The following EPS8L2 variants were observed in gnomAD, a reference collection of about 807,000 sequenced individuals.
The protein encoded by EPS8L2 is epidermal growth factor receptor kinase substrate 8-like protein 2.
Under a neutral mutation model 99.4 loss-of-function variants are expected in EPS8L2, and 81 were observed. The observed-to-expected ratio is 0.82, with a 90% confidence interval of 0.68 to 0.98. The LOEUF is 0.98. Among genes scored for constraint, EPS8L2 ranks in the 50% least tolerant of loss-of-function variants. The pLI, the probability that EPS8L2 is intolerant of heterozygous loss-of-function variation, is 0.00. For synonymous variants in EPS8L2, 509 were observed against 407.3 expected, an observed-to-expected ratio of 1.25 and a Z score of -3.01; for missense variants, 1,155 against 968.8, an observed-to-expected ratio of 1.19 and a Z score of -2.55.
chr11:714,422 G>T (rs1416458282), intron 4 of EPS8L2, among the ~76,000 whole-genome samples: 1 of 151,340 alleles, frequency 6.6e-6, no homozygotes, highest in South Asian at 2.1e-4. Flanking sequence ...TCAGAGATGG[G>T]GTTTCACCAT....
At position 724,873 on chromosome 11, in the gene EPS8L2, G is replaced by C; in HGVS notation, c.1560+44G>C. 1 of 1,452,642 alleles carries C rather than the reference G, an allele frequency of 6.9e-7. No individual in the cohort carries two copies. Among genetic ancestry groups the C allele is most frequent in the Non-Finnish European group, 9.6e-7 (1 of 1,036,884 alleles). The allele number at this position is 1,452,642 out of a possible 1,614,324, so 90.0% of individuals were successfully genotyped here. A position where few individuals can be genotyped will look rare whatever the true frequency, so the allele number is the denominator to read the frequency against. On this transcript the variant is annotated intron_variant, in intron 16 of 20. Transcript: ENST00000318562. This position sits in a 1 kb window ranked among gnomAD's most constrained non-coding sequence, Gnocchi z 5.5. ...GGGTCCAAGAGGGGGAAACAGGGCA[G>C]GGCTTCAAGGGAGGGGCTACCAGGG...
chr11:723,611 C>G (rs2133534993), intron 15 of EPS8L2, among the ~76,000 whole-genome samples: 1 of 152,270 alleles, frequency 6.6e-6, no homozygotes, highest in African/African-American at 2.4e-5. Flanking sequence ...GTTTTAGAAC[C>G]AAGGTTAGAA....
Position 722,869 on chromosome 11 carries a change from C to T in EPS8L2, c.1341+64C>T, listed in dbSNP as rs1211147837. On this transcript the variant is annotated intron_variant, in intron 14 of 20. Coordinates refer to ENST00000318562, the MANE Select transcript of EPS8L2 (RefSeq NM_022772.4). ...AACACCCACTCCTCACCAGAGCTCC[C>T]CCCCAGCCCTGACACCCACCCCTCC... 71 of 1,141,850 alleles carry T rather than the reference C, an allele frequency of 6.2e-5. 1 individual carries two copies. The highest frequency in any genetic ancestry group is 4.3e-4 in the South Asian group (28 of 65,284). The allele number at this position is 1,141,850 out of a possible 1,614,324, so 70.7% of individuals were successfully genotyped here.
At chr11:725,880 C>CT (rs1200501436) in intron 17 of EPS8L2, 33 bp downstream of exon 17, 2 of 1,368,420 alleles carry the variant, frequency 1.5e-6, no homozygotes, top group African/African-American at 3.0e-5. Context: ...GGTCGCAGCC[C>CT]CCAGCTTCCT....
At chr11:722,598 C>T (rs1862210497) in intron 13 of EPS8L2, 49 bp downstream of exon 13, 2 of 1,610,334 alleles carry the variant, frequency 1.2e-6, no homozygotes, top group Admixed American at 1.7e-5. Context: ...GCCAGCGCTG[C>T]ATGGGGGCCA....
intron 1 of EPS8L2, 22 bp from the exon 2 acceptor site, chr11:709,308 C>T (rs937793449): frequency 6.5e-6 from 9 of 1,377,892 alleles, no homozygotes; most frequent in Non-Finnish European, 8.0e-6. Context: ...GAAGTGTCAG[C>T]GCAGCCCTTC....
chr11:715,721 C>T (rs1303164228), intron 4 of EPS8L2, among the ~76,000 whole-genome samples: 14 of 143,848 alleles, frequency 9.7e-5, no homozygotes, highest in Admixed American at 1.4e-4. Context: ...CCTGGGTTCA[C>T]GCCATTCTCC....
intron 4 of EPS8L2, among the ~76,000 whole-genome samples, chr11:719,259 GC>G (rs1336804545): frequency 6.6e-6 from 1 of 152,228 alleles, no homozygotes; most frequent in Non-Finnish European, 1.5e-5. Flanking sequence ...GAGCCACCGC[GC>G]CCGGCCACAC....
Position 720,732 on chromosome 11 carries a change from T to G in EPS8L2, c.463T>G (p.Cys155Gly). ...CAAGCCGGATGTCCACTTCTTCCAC[T>G]GCGATGAGGTGGAGGTGAGGCGGTG... ...QSKPDVHFFH[C>G]DEVEAELVHE... is the part of the protein sequence containing the mutation. The change falls in exon 6 of 21, where the codon TGC (cysteine) becomes GGC (glycine). Residue 155 changes from cysteine to glycine, a missense_variant. By Grantham distance (159) the Cys-to-Gly change is radical. Coordinates refer to ENST00000318562, the MANE Select transcript of EPS8L2 (RefSeq NM_022772.4). 1 of 1,515,260 alleles carries G rather than the reference T, an allele frequency of 6.6e-7. No individual in the cohort carries two copies. Among genetic ancestry groups the G allele is most frequent in the Non-Finnish European group, 8.9e-7 (1 of 1,126,076 alleles). The allele number at this position is 1,515,260 out of a possible 1,614,324, so 93.9% of individuals were successfully genotyped here.
chr11:709,759 C>T (rs913237202), intron 3 of EPS8L2, 151 bp downstream of exon 3: 2 of 803,832 alleles, frequency 2.5e-6, no homozygotes, highest in Non-Finnish European at 2.0e-6. Flanking sequence ...CCTAATCAAC[C>T]TTCCGAAAGC....
Position 725,853 on chromosome 11 carries a change from C to G in EPS8L2, c.1680+6C>G. ...CCGGCGCCCCGTTCGAGCAGGTGAG[C>G]CCGCGGGGGTCCCTGGGGTCGCAGC... On this transcript the variant is annotated splice_donor_region_variant and intron_variant, in intron 17 of 20. Coordinates refer to ENST00000318562, the MANE Select transcript of EPS8L2 (RefSeq NM_022772.4). The G allele has an allele frequency of 7.3e-7, 1 of 1,377,994 alleles. No individual in the cohort carries two copies. The highest frequency in any genetic ancestry group is 1.8e-5 in the South Asian group (1 of 56,572). The allele number at this position is 1,377,994 out of a possible 1,614,324, so 85.4% of individuals were successfully genotyped here. A position where few individuals can be genotyped will look rare whatever the true frequency, so the allele number is the denominator to read the frequency against.
At position 726,993 on chromosome 11, in the gene EPS8L2, T is replaced by A. The variant is rs773334460; in HGVS notation, c.*12T>A. On this transcript the variant is annotated 3_prime_UTR_variant, in exon 21 of 21. Coordinates refer to ENST00000318562, the MANE Select transcript of EPS8L2 (RefSeq NM_022772.4). ...GGGAGGACAGCTAGGCCCAGCTGCC[T>A]TGGGCTGGGGCCTGCGGAGGGGAAG... 6.2e-7 allele frequency: 1 copy of A among 1,600,764 alleles called. No homozygotes were observed. The highest frequency in any genetic ancestry group is 8.6e-7 in the Non-Finnish European group (1 of 1,169,172).
chr11:715,047 T>A (rs113320006), intron 4 of EPS8L2, among the ~76,000 whole-genome samples: 1 of 151,964 alleles, frequency 6.6e-6, no homozygotes, highest in Non-Finnish European at 1.5e-5. Context: ...TCAAGACCAT[T>A]CTGGCTAACA....
At chr11:715,166 C>T (rs1473341915) in intron 4 of EPS8L2, among the ~76,000 whole-genome samples, 3 of 152,104 alleles carry the variant, frequency 2.0e-5, no homozygotes, top group African/African-American at 4.8e-5. Flanking sequence ...GGCGTGAACC[C>T]CGGAGGCGGA....
chr11:720,119 A>G lies in EPS8L2; in HGVS notation c.223A>G (p.Ile75Val). The G allele has an allele frequency of 6.2e-7, 1 of 1,613,300 alleles. No individual in the cohort carries two copies. Among genetic ancestry groups the G allele is most frequent in the East Asian group, 2.2e-5 (1 of 44,862 alleles). The change falls in exon 5 of 21, where the codon ATC becomes GTC. Residue 75 changes from isoleucine to valine, a missense_variant. Physicochemically the swap from Ile to Val is conservative, Grantham distance 29. Coordinates refer to ENST00000318562, the MANE Select transcript of EPS8L2 (RefSeq NM_022772.4). ...SEAITSVDDAIRKLVQLSSKE... is the reference protein window; with the variant it reads ...SEAITSVDDAVRKLVQLSSKE... Reference sequence around the variant, plus strand: ...AGCCATCACGTCTGTGGACGACGCCATCCGGAAGCTGGTGCAGCTGAGCTC... The same window carrying G: ...AGCCATCACGTCTGTGGACGACGCCGTCCGGAAGCTGGTGCAGCTGAGCTC...
chr11:709,484 C>T (rs1861826043), intron 2 of EPS8L2, 33 bp downstream of exon 2: 6 of 1,605,856 alleles, frequency 3.7e-6, no homozygotes, highest in Non-Finnish European at 4.2e-6. Flanking sequence ...AATACCCCAC[C>T]CTCACCCTCT....
At position 721,321 on chromosome 11, in the gene EPS8L2, C is replaced by T. The variant is rs1303442466; in HGVS notation, c.737C>T (p.Ala246Val). The T allele has an allele frequency of 1.9e-6, 3 of 1,539,508 alleles. No homozygotes were observed. Among genetic ancestry groups the T allele is most frequent in the Admixed American group, 3.9e-5 (2 of 50,902 alleles). Residue 246 changes from alanine (A) to valine (V), a missense_variant, in exon 9 of 21, where the codon GCC (alanine) becomes GTC (valine). Coordinates refer to ENST00000318562, the MANE Select transcript of EPS8L2 (RefSeq NM_022772.4). ...CGGGAGTCGCAGGAGGAGCCGCGGG[C>T]CGTGCTGGCTCAGAAGATAGAGAAG... ...RRRESQEEPR[A>V]VLAQKIEKET... is the part of the protein sequence containing the mutation.
In EPS8L2 at chr11:710,077, C is replaced by G. The variant is rs957747176; in HGVS notation, c.101-345C>G. On this transcript the variant is annotated intron_variant, in intron 3 of 20. Coordinates refer to ENST00000318562, the MANE Select transcript of EPS8L2 (RefSeq NM_022772.4). ...ACCTGGGAGGGCAGGGAGAGTGAAG[C>G]TGGCAGCTCTCAGAGTGGGAAGAAG... 7.6e-5 allele frequency: 28 copies of G among 367,266 alleles called. No individual in the cohort carries two copies. The Admixed American group carries it at 9.7e-4, about 13-fold the overall frequency. 22.8% of individuals were successfully genotyped at this position (367,266 alleles called of 1,614,324 possible). A position where few individuals can be genotyped will look rare whatever the true frequency, so the allele number is the denominator to read the frequency against.
rs1390167260 is a variant in EPS8L2, at chr11:722,467, G to T, written c.1126G>T (p.Ala376Ser). The T allele has an allele frequency of 6.2e-7, 1 of 1,613,528 alleles. No homozygotes were observed. The highest frequency in any genetic ancestry group is 1.1e-5 in the South Asian group (1 of 91,090). ...CTCCTGCCCACTGCTCTCCCGAGAT[G>T]CCGTGGACTTCCTGCGCGGCCACCT... ...SVSCPLLSRD[A>S]VDFLRGHLVP... Residue 376 changes from alanine (A) to serine (S), a missense_variant, in exon 13 of 21, where the codon GCC (alanine) becomes TCC (serine). Transcript: ENST00000318562.
Sources: allele counts gnomAD v4.1 joint callset (sites outside exome capture counted in the v4.1 genomes callset), GRCh38; gene constraint gnomAD v4.1.1; non-coding constraint Gnocchi (gnomAD v3.1); transcripts MANE v1.5; gene names NCBI Gene and HGNC (gene_info 2026-07-23, HGNC 2026-07-21).